The following SHROOM3 variants were observed in gnomAD, a reference collection of about 807,000 sequenced individuals.
The protein encoded by SHROOM3 is shroom family member 3.
Under a neutral mutation model 138.6 loss-of-function variants are expected in SHROOM3, and 47 were observed. The observed-to-expected ratio is 0.34, with a 90% CI of 0.27 to 0.43. The LOEUF (loss-of-function observed/expected upper bound fraction) is 0.43. SHROOM3 is among the 20% of genes least tolerant of loss of function. The pLI is 1.00. For synonymous variants in SHROOM3, 1,062 were observed against 1,063.3 expected, an observed-to-expected ratio of 1.00 and a Z score of 0.02; for missense variants, 2,491 against 2,596.5, an observed-to-expected ratio of 0.96 and a Z score of 0.88.
chr4:76,504,306 G>A (rs1472767098), intron 1 of SHROOM3, among the ~76,000 whole-genome samples: 1 of 152,010 alleles, frequency 6.6e-6, no homozygotes, highest in Non-Finnish European at 1.5e-5. Context: ...TTACAGGCAT[G>A]CGCCACCACG....
intron 2 of SHROOM3, among the ~76,000 whole-genome samples, chr4:76,647,259 G>A (rs1421626518): frequency 1.3e-5 from 2 of 152,158 alleles, no homozygotes; most frequent in Admixed American, 6.5e-5. Flanking sequence ...TAAAGGCTGG[G>A]AAGGGTAAGT....
intron 2 of SHROOM3, among the ~76,000 whole-genome samples, chr4:76,691,769 A>G (rs1719549285): frequency 6.6e-6 from 1 of 152,164 alleles, no homozygotes; most frequent in African/African-American, 2.4e-5. Flanking sequence ...ATCTGGTTAC[A>G]TTTTTAAAAC....
chr4:76,541,131 A>G (rs1251995319), intron 1 of SHROOM3, among the ~76,000 whole-genome samples: 1 of 152,196 alleles, frequency 6.6e-6, no homozygotes, highest in Non-Finnish European at 1.5e-5. Context: ...CCCTATATGT[A>G]CGTTATAATA....
intron 2 of SHROOM3, among the ~76,000 whole-genome samples, chr4:76,685,464 AT>A (rs1418634629): frequency 6.6e-6 from 1 of 152,232 alleles, no homozygotes; most frequent in African/African-American, 2.4e-5. Context: ...CCTGGGCCAC[AT>A]GCGGCCTGTA....
intron 2 of SHROOM3, chr4:76,628,771 T>G (rs1281950423): frequency 1.3e-5 from 2 of 152,088 alleles, no homozygotes; most frequent in East Asian, 3.8e-4. Flanking sequence ...GAAATAATAT[T>G]CAAAGATTAG....
intron 1 of SHROOM3, among the ~76,000 whole-genome samples, chr4:76,440,425 C>G (rs1730646638): frequency 6.6e-6 from 1 of 152,162 alleles, no homozygotes; most frequent in Non-Finnish European, 1.5e-5. Context: ...TTGGCTCTCT[C>G]TAGATTCTAG....
intron 1 of SHROOM3, among the ~76,000 whole-genome samples, chr4:76,511,521 A>T (rs536114092): frequency 6.6e-6 from 1 of 152,284 alleles, no homozygotes; most frequent in South Asian, 2.1e-4. Flanking sequence ...GGCTTTTTCT[A>T]TCACTTCTAC....
At chr4:76,709,798 A>G (rs1720177582) in intron 2 of SHROOM3, 1 of 291,122 alleles carries the variant, frequency 3.4e-6, no homozygotes, top group Non-Finnish European at 6.7e-6. Context: ...TGCTTCAGTG[A>G]ATCCAGTTTT....
At chr4:76,499,339 T>C (rs1264177416) in intron 1 of SHROOM3, among the ~76,000 whole-genome samples, 1 of 152,178 alleles carries the variant, frequency 6.6e-6, no homozygotes, top group Admixed American at 6.5e-5. Context: ...TGATATAAAA[T>C]ATAAAGCCCT....
At chr4:76,479,857 AT>A (rs1579182832) in intron 1 of SHROOM3, among the ~76,000 whole-genome samples, 1 of 152,182 alleles carries the variant, frequency 6.6e-6, no homozygotes, top group Non-Finnish European at 1.5e-5. Context: ...TCAACCCAGA[AT>A]TTCATATCCA....
intron 1 of SHROOM3, among the ~76,000 whole-genome samples, chr4:76,486,209 AAAAACACAGTAAGTTGT>A (rs1731726652): frequency 6.6e-6 from 1 of 152,228 alleles, no homozygotes; most frequent in Non-Finnish European, 1.5e-5. Context: ...TACCAATTTC[AAAAACACAGTAAGTTGT>A]ATATTTAATT....
At chr4:76,776,388 C>G (rs1722569947) in intron 10 of SHROOM3, among the ~76,000 whole-genome samples, 1 of 152,204 alleles carries the variant, frequency 6.6e-6, no homozygotes, top group African/African-American at 2.4e-5. Flanking sequence ...TTCTCCCACT[C>G]TGTGGGTTGT....
rs374623115 is a variant in SHROOM3, at chr4:76,754,935, G to A, written c.4452G>A (p.Arg1484=). ...TPLGAPSTPG[R]ISLRISESVL... ...TTGGGGCCCCGAGCACTCCAGGGAG[G>A]ATCTCCCTCCGAATATCTGAGTCTG... Residue 1484 remains arginine (R), a synonymous_variant, in exon 7 of 11, where the codon AGG becomes AGA. Coordinates refer to ENST00000296043, the MANE Select transcript of SHROOM3 (RefSeq NM_020859.4). The A allele has an allele frequency of 1.7e-5, 28 of 1,614,070 alleles. No homozygotes were observed. The African/African-American group carries it at 3.3e-4, about 19-fold the overall frequency.
chr4:76,678,683 G>A (rs1029787379), intron 2 of SHROOM3, among the ~76,000 whole-genome samples: 11 of 152,024 alleles, frequency 7.2e-5, no homozygotes, highest in African/African-American at 1.5e-4. Flanking sequence ...TTTTTGAGAC[G>A]AAGTCTTGCT....
intron 2 of SHROOM3, chr4:76,689,630 C>G: frequency 1.0e-6 from 1 of 985,258 alleles, no homozygotes; most frequent in Non-Finnish European, 1.2e-6. Flanking sequence ...GGAGCGGCGG[C>G]GAAGTTTGAA....
intron 2 of SHROOM3, among the ~76,000 whole-genome samples, chr4:76,598,892 T>C (rs181765102): frequency 3.4e-4 from 51 of 152,008 alleles, no homozygotes; most frequent in African/African-American, 1.2e-3. Context: ...TTTTGGGAGG[T>C]GGTTTTCAAG....
intron 1 of SHROOM3, among the ~76,000 whole-genome samples, chr4:76,545,570 C>T (rs1383350688): frequency 6.6e-6 from 1 of 152,222 alleles, no homozygotes; most frequent in African/African-American, 2.4e-5. Flanking sequence ...CTCCTCCTCT[C>T]AGCAAATTTC....
At chr4:76,773,916 C>T (rs1722456353) in intron 10 of SHROOM3, among the ~76,000 whole-genome samples, 1 of 152,158 alleles carries the variant, frequency 6.6e-6, no homozygotes, top group Non-Finnish European at 1.5e-5. Flanking sequence ...CTTTAGACTT[C>T]AGCCTATAGG....
intron 1 of SHROOM3, among the ~76,000 whole-genome samples, chr4:76,535,843 G>C (rs1222552626): frequency 1.3e-5 from 2 of 152,232 alleles, no homozygotes; most frequent in Non-Finnish European, 1.5e-5. Flanking sequence ...AGTGATTGAA[G>C]TTAGTTTGGG....
Sources: allele counts gnomAD v4.1 joint callset (sites outside exome capture counted in the v4.1 genomes callset), GRCh38; gene constraint gnomAD v4.1.1; transcripts MANE v1.5; gene names NCBI Gene and HGNC (gene_info 2026-07-23, HGNC 2026-07-21).